The following CFAP69 variants were observed in gnomAD, a reference collection of about 807,000 sequenced individuals.
CFAP69 encodes the protein cilia and flagella associated protein 69, also known as cilia- and flagella-associated protein 69.
In CFAP69, 92 loss-of-function variants were observed where a neutral mutation model predicts 123.0. The observed-to-expected ratio is 0.75, with a 90% confidence interval of 0.63 to 0.89. The LOEUF is 0.89. Ranked by LOEUF, CFAP69 falls within the 40% of genes least tolerant of loss-of-function variation. The pLI is 0.00. For missense variants in CFAP69, 1,067 were observed against 1,096.9 expected (o/e 0.97, Z 0.39); for synonymous variants, 380 against 364.3 (o/e 1.04, Z -0.49).
At chr7:90,268,253 T>G in intron 5 of CFAP69, 33 bp from the exon 6 acceptor site, 2 of 1,367,170 alleles carry the variant, frequency 1.5e-6, no homozygotes, top group Non-Finnish European at 2.1e-6. Context: ...TATGACAGTG[T>G]TGTTAAATAG....
chr7:90,298,151 C>T (rs1388297915), intron 16 of CFAP69, among the ~76,000 whole-genome samples: 1 of 152,098 alleles, frequency 6.6e-6, no homozygotes, highest in Admixed American at 6.5e-5. Flanking sequence ...ATATGAAAAC[C>T]CATAGTCATT....
chr7:90,304,743 G>T lies in CFAP69; in HGVS notation c.2189-1G>T. 1 of 1,600,006 alleles carries T rather than the reference G, an allele frequency of 6.2e-7. No homozygotes were observed. On this transcript the variant is annotated splice_acceptor_variant, in intron 18 of 22. Coordinates refer to ENST00000389297, the MANE Select transcript of CFAP69 (RefSeq NM_001039706.3). LOFTEE classifies it high-confidence loss of function. Reference sequence around the variant, plus strand: ...TTCTGTCTTTATAAACTTTATTTTAGATTTTGAAAATTTACCTGGCCTATC... The same window carrying T: ...TTCTGTCTTTATAAACTTTATTTTATATTTTGAAAATTTACCTGGCCTATC...
At chr7:90,258,891 G>A (rs1188771499) in intron 3 of CFAP69, among the ~76,000 whole-genome samples, 1 of 152,158 alleles carries the variant, frequency 6.6e-6, no homozygotes, top group Non-Finnish European at 1.5e-5. Flanking sequence ...TGTAGTTAGA[G>A]GGCCAAGTCA....
downstream of CFAP69, among the ~76,000 whole-genome samples, chr7:90,313,877 G>A (rs79291684): frequency 2.9e-3 from 442 of 152,270 alleles, 3 homozygotes; most frequent in African/African-American, 9.9e-3. Context: ...TAGAAAGAAA[G>A]TGGAAAGAAA....
chr7:90,316,167 A>G, the CFAP69 span, among the ~76,000 whole-genome samples: 2 of 152,218 alleles, frequency 1.3e-5, no homozygotes, highest in Non-Finnish European at 2.9e-5. Flanking sequence ...TATCCCTTGT[A>G]TCATCTTATG....
rs748254646 is a variant in CFAP69, at chr7:90,268,255, G to T, written c.434-31G>T. The T allele has an allele frequency of 1.7e-5, 24 of 1,412,244 alleles. No homozygotes were observed. In the Admixed American group the frequency reaches 3.7e-4, roughly 22 times the overall value. The allele number at this position is 1,412,244 out of a possible 1,614,324, so 87.5% of individuals were successfully genotyped here. ...CTACAAATAAGCTTATGACAGTGTT[G>T]TTAAATAGCACCTGTTTATCTTTCT... On this transcript the variant is annotated intron_variant, in intron 5 of 22. Transcript: ENST00000389297.
chr7:90,271,024 C>T (rs968267603), intron 6 of CFAP69, among the ~76,000 whole-genome samples: 1 of 152,118 alleles, frequency 6.6e-6, no homozygotes, highest in African/African-American at 2.4e-5. Flanking sequence ...ATGCATTGAA[C>T]CTGAACAGTG....
intron 13 of CFAP69, among the ~76,000 whole-genome samples, 185 bp from the exon 14 acceptor site, chr7:90,286,096 A>G (rs1478183417): frequency 1.3e-5 from 2 of 152,170 alleles, no homozygotes; most frequent in Admixed American, 1.3e-4. Context: ...GAGCTGAGGA[A>G]TTCAAGATTA....
chr7:90,290,415 AG>A (rs1790957634), intron 15 of CFAP69, among the ~76,000 whole-genome samples: 1 of 152,226 alleles, frequency 6.6e-6, no homozygotes, highest in South Asian at 2.1e-4. Flanking sequence ...AGTCAGGCAG[AG>A]GAGTTCCCTC....
At position 90,273,877 on chromosome 7, in the gene CFAP69, C is replaced by T. The variant is rs190904333; in HGVS notation, c.861-110C>T. ...GGCTCATTACCTCCCTAAGGCCTCA[C>T]TCCTAAAACCATCACATTGGGGGTT... On this transcript the variant is annotated intron_variant, in intron 8 of 22. Transcript: ENST00000389297. 4.3e-5 allele frequency: 36 copies of T among 830,194 alleles called. No homozygotes were observed. In the Admixed American group the frequency reaches 9.8e-4, roughly 23 times the overall value. 51.4% of individuals were successfully genotyped at this position (830,194 alleles called of 1,614,324 possible).
intron 22 of CFAP69, 52 bp downstream of exon 22, chr7:90,309,419 T>C (rs1794055920): frequency 9.8e-7 from 1 of 1,025,386 alleles, no homozygotes; most frequent in African/African-American, 1.6e-5. Flanking sequence ...ATTTAGAGTG[T>C]TTGAACAACT....
chr7:90,251,234 C>T (rs2106274), intron 1 of CFAP69, among the ~76,000 whole-genome samples: 68,127 of 151,924 alleles, frequency 0.45, 16,281 homozygotes, highest in Non-Finnish European at 0.54. Context: ...TCCAATGCAG[C>T]CTGGGAAGCT....
chr7:90,290,262 G>A (rs1040906432), intron 15 of CFAP69, among the ~76,000 whole-genome samples: 3 of 152,132 alleles, frequency 2.0e-5, no homozygotes, highest in Non-Finnish European at 2.9e-5. Flanking sequence ...CAGGAGTACC[G>A]ATGGTGTAGT....
chr7:90,316,039 A>G (rs1794789093), downstream of CFAP69, among the ~76,000 whole-genome samples: 1 of 152,208 alleles, frequency 6.6e-6, no homozygotes, highest in Non-Finnish European at 1.5e-5. Context: ...GGCTGCAGTG[A>G]GCCAAGATCA....
chr7:90,306,845 A>G lies in CFAP69; in HGVS notation c.2266-56A>G, dbSNP rs896906002. ...ACCATATAAAAAATTGTATAATTGT[A>G]CAATTGCATGATTTGTTTTTGGTTA... On this transcript the variant is annotated intron_variant, in intron 19 of 22. Coordinates refer to ENST00000389297, the MANE Select transcript of CFAP69 (RefSeq NM_001039706.3). 1.4e-5 allele frequency: 14 copies of G among 1,031,512 alleles called. No individual in the cohort carries two copies. In the African/African-American group the frequency reaches 2.1e-4, roughly 16 times the overall value. 63.9% of individuals were successfully genotyped at this position (1,031,512 alleles called of 1,614,324 possible).
chr7:90,248,234 C>G (rs1215797570), intron 1 of CFAP69, among the ~76,000 whole-genome samples: 1 of 152,194 alleles, frequency 6.6e-6, no homozygotes, highest in South Asian at 2.1e-4. Flanking sequence ...TGTTTTATAT[C>G]ATTTTCTTTA....
rs568714682 is a variant in CFAP69, at chr7:90,290,303, G to A, written c.1775+1951G>A. Among the ~76,000 whole-genome samples the A allele has an allele frequency of 1.4e-3, 220 of 152,292 alleles. 1 individual carries two copies. Among genetic ancestry groups the A allele is most frequent in the African/African-American group, 5.1e-3 (214 of 41,572 alleles). ...TCTGAGACTGAAGGCCTAAGGACCA[G>A]AAAACCCAGTGTTCTGAGTGCCAAT... On this transcript the variant is annotated intron_variant, in intron 15 of 22. Coordinates refer to ENST00000389297, the MANE Select transcript of CFAP69 (RefSeq NM_001039706.3).
rs771240711 is a variant in CFAP69 at position 90,274,034 on chromosome 7, A to G, written c.908A>G (p.His303Arg). Residue 303 changes from histidine to arginine, a missense_variant, in exon 9 of 23, where the codon CAT (histidine) becomes CGT (arginine). Coordinates refer to ENST00000389297, the MANE Select transcript of CFAP69 (RefSeq NM_001039706.3). ...AATCTGTTTATGAGAGGTTTCAGTC[A>G]TTATGACCGTCAGCTTAGAAATGAC... ...FKNLFMRGFS[H>R]YDRQLRNDIL... 1 of 1,607,176 alleles carries G rather than the reference A, an allele frequency of 6.2e-7. No individual in the cohort carries two copies. Among genetic ancestry groups the G allele is most frequent in the South Asian group, 1.1e-5 (1 of 89,474 alleles).
At chr7:90,309,140 A>G (rs1794011945) in intron 21 of CFAP69, 123 bp from the exon 22 acceptor site, 9 of 481,560 alleles carry the variant, frequency 1.9e-5, no homozygotes. Context: ...TGCAGATTTC[A>G]GCGCTATCTA....
Sources: allele counts gnomAD v4.1 joint callset (sites outside exome capture counted in the v4.1 genomes callset), GRCh38; gene constraint gnomAD v4.1.1; transcripts MANE v1.5; gene names NCBI Gene and HGNC (gene_info 2026-07-23, HGNC 2026-07-21).